The following DMD variants were observed in gnomAD, a reference collection of about 807,000 sequenced individuals.
DMD encodes mutant dystrophin.
In DMD, 63 loss-of-function variants were observed where a neutral mutation model predicts 330.1. That is an observed-to-expected ratio of 0.19 (90% CI 0.16 to 0.24). The LOEUF is 0.24. Ranked by LOEUF, DMD falls within the 10% of genes least tolerant of loss-of-function variation. DMD has a pLI of 1.00. For synonymous variants in DMD, 1,223 were observed against 959.8 expected (o/e 1.27, Z -5.07); for missense variants, 3,344 against 2,684.1 (o/e 1.25, Z -5.43).
chrX:31,823,742 C>T (rs1399390872), intron 49 of DMD, among the ~76,000 whole-genome samples: 1 of 110,083 alleles, frequency 9.1e-6, no homozygotes. Context: ...CTACTGAGTA[C>T]ATACATTTTT....
At chrX:32,581,669 T>C (rs1266435165) in intron 13 of DMD, among the ~76,000 whole-genome samples, 1 of 111,896 alleles carries the variant, frequency 8.9e-6, no homozygotes, top group South Asian at 3.7e-4. Context: ...AAAAATTTAA[T>C]TTTAAAATTT....
At chrX:33,246,016 G>A (rs1489376215) in intron 1 of DMD, among the ~76,000 whole-genome samples, 1 of 111,983 alleles carries the variant, frequency 8.9e-6, no homozygotes, top group Non-Finnish European at 1.9e-5. Flanking sequence ...AGGAATTAAT[G>A]TTAGAAGTAT....
chrX:32,892,501 G>A (rs964159519), intron 2 of DMD, among the ~76,000 whole-genome samples: 2 of 111,604 alleles, frequency 1.8e-5, no homozygotes, highest in African/African-American at 6.5e-5. Flanking sequence ...TCAAGCGATT[G>A]TCATGCCTCG....
chrX:32,090,182 T>G (rs1014138990), intron 44 of DMD, among the ~76,000 whole-genome samples: 10 of 111,996 alleles, frequency 8.9e-5, no homozygotes, highest in Non-Finnish European at 1.7e-4. Flanking sequence ...TCCAAGAAGT[T>G]GAATCAGAGA....
At chrX:32,443,220 T>A (rs1362508136) in intron 27 of DMD, among the ~76,000 whole-genome samples, 1 of 110,878 alleles carries the variant, frequency 9.0e-6, no homozygotes, top group Non-Finnish European at 1.9e-5. Flanking sequence ...ATCTAAAAAA[T>A]TAATCAGATT....
At chrX:32,526,209 A>T (rs1175030180) in intron 17 of DMD, among the ~76,000 whole-genome samples, 1 of 112,134 alleles carries the variant, frequency 8.9e-6, no homozygotes, top group Admixed American at 9.5e-5. Flanking sequence ...ATAAAAAAAT[A>T]ACTTCTCATT....
At chrX:32,732,784 AC>A (rs1432845728) in intron 7 of DMD, among the ~76,000 whole-genome samples, 3 of 110,321 alleles carry the variant, frequency 2.7e-5, no homozygotes, top group Non-Finnish European at 5.7e-5. Context: ...GAAAGGAACA[AC>A]CGGTACCAGC....
chrX:32,397,326 G>C (rs745324917), intron 30 of DMD, among the ~76,000 whole-genome samples: 149 of 111,531 alleles, frequency 1.3e-3, no homozygotes, highest in African/African-American at 4.8e-3. Context: ...GCCTGGCTTC[G>C]TATAAAATCA....
chrX:32,588,706 T>C (rs1356104746), intron 13 of DMD, among the ~76,000 whole-genome samples: 2 of 111,623 alleles, frequency 1.8e-5, no homozygotes, highest in Non-Finnish European at 3.8e-5. Flanking sequence ...TGGGGGCTTA[T>C]GATATGGCCT....
At chrX:32,098,529 T>C (rs891450499) in intron 44 of DMD, among the ~76,000 whole-genome samples, 1 of 111,906 alleles carries the variant, frequency 8.9e-6, no homozygotes, top group African/African-American at 3.2e-5. Context: ...GGGCTCCACA[T>C]TGGAAAACAC....
chrX:32,286,160 TAAG>T (rs1234623557), intron 43 of DMD, among the ~76,000 whole-genome samples: 1 of 111,395 alleles, frequency 9.0e-6, no homozygotes, highest in Non-Finnish European at 1.9e-5. Context: ...CCCTTTTCTA[TAAG>T]GAGCTTGTGT....
At chrX:32,007,494 C>T (rs12014251) in intron 44 of DMD, among the ~76,000 whole-genome samples, 9,259 of 110,495 alleles carry the variant, frequency 0.084, 416 homozygotes, top group African/African-American at 0.17. Context: ...TAATTTGTTA[C>T]ATCTGTGTTA....
chrX:31,562,939 G>A (rs981430645), intron 55 of DMD, among the ~76,000 whole-genome samples: 12 of 112,291 alleles, frequency 1.1e-4, no homozygotes, highest in Non-Finnish European at 2.3e-4. Flanking sequence ...GGCAATCTGT[G>A]TTTTCTAAGA....
chrX:33,225,667 T>C (rs746878249), intron 1 of DMD, among the ~76,000 whole-genome samples: 4 of 111,521 alleles, frequency 3.6e-5, no homozygotes, highest in Admixed American at 1.9e-4. Context: ...GAGGAGTTCT[T>C]AGATTTGACG....
intron 4 of DMD, 80 bp from the exon 5 acceptor site, chrX:32,823,467 A>G (rs1018483876): frequency 2.5e-5 from 17 of 691,670 alleles, no homozygotes; most frequent in Non-Finnish European, 3.5e-5. Context: ...AAAAACGTGA[A>G]GGTAATTGCA....
At chrX:33,240,087 G>A (rs1018776984) in intron 1 of DMD, among the ~76,000 whole-genome samples, 2 of 110,936 alleles carry the variant, frequency 1.8e-5, no homozygotes, top group Non-Finnish European at 3.8e-5. Flanking sequence ...CAGGTCCCAA[G>A]CATTTTGGAT....
chrX:31,289,388 G>T (rs889843951), intron 62 of DMD, among the ~76,000 whole-genome samples: 6 of 108,162 alleles, frequency 5.5e-5, no homozygotes, highest in African/African-American at 2.0e-4. Context: ...TGGTTGTTCT[G>T]TTCGTTGTAA....
intron 7 of DMD, among the ~76,000 whole-genome samples, chrX:32,771,696 T>C (rs1270811286): frequency 9.0e-6 from 1 of 111,715 alleles, no homozygotes; most frequent in East Asian, 2.8e-4. Flanking sequence ...CTCCAAAATA[T>C]ACGAGTTTCT....
chrX:31,493,529 G>A (rs1032005714), intron 57 of DMD, among the ~76,000 whole-genome samples: 1 of 111,540 alleles, frequency 9.0e-6, no homozygotes, highest in Non-Finnish European at 1.9e-5. Context: ...CACATAAGAG[G>A]GACACGCAGA....
Sources: allele counts gnomAD v4.1 joint callset (sites outside exome capture counted in the v4.1 genomes callset), GRCh38; gene constraint gnomAD v4.1.1; transcripts MANE v1.5; gene names NCBI Gene and HGNC (gene_info 2026-07-23, HGNC 2026-07-21).